Variants in LEKR1 observed in about 807,000 individuals in gnomAD.
LEKR1 encodes the protein leucine, glutamate and lysine rich 1.
In LEKR1, 59 loss-of-function variants were observed where a neutral mutation model predicts 72.4. That is an observed-to-expected ratio of 0.82 (90% CI 0.66 to 1.01). The LOEUF (loss-of-function observed/expected upper bound fraction) is 1.01, where lower values mean the gene tolerates loss of function less well. LEKR1 is among the 50% of genes least tolerant of loss of function. The probability of loss-of-function intolerance (pLI) is 0.00; values close to 1 mark genes in which losing one functional copy is unlikely to be tolerated. For missense variants in LEKR1, 728 were observed against 759.2 expected (o/e 0.96, Z 0.48); for synonymous variants, 257 against 263.2 (o/e 0.98, Z 0.23).
At chr3:156,977,434 A>AC (rs933236224) in intron 6 of LEKR1, 15 of 501,088 alleles carry the variant, frequency 3.0e-5, no homozygotes, top group Non-Finnish European at 4.8e-5. Flanking sequence ...AAGAAATGTC[A>AC]CCCCCCCTTA....
intron 3 of LEKR1, among the ~76,000 whole-genome samples, chr3:156,904,917 T>G (rs1255466109): frequency 6.6e-6 from 1 of 151,984 alleles, no homozygotes; most frequent in African/African-American, 2.4e-5. Flanking sequence ...ATCTATTATT[T>G]TAATAGACTA....
intron 3 of LEKR1, among the ~76,000 whole-genome samples, chr3:156,909,441 G>A (rs1486439210): frequency 6.6e-6 from 1 of 152,078 alleles, no homozygotes; most frequent in Non-Finnish European, 1.5e-5. Context: ...CACGAGGTCA[G>A]GAGATGGAGA....
chr3:156,889,654 T>A (rs1018703765), intron 3 of LEKR1, among the ~76,000 whole-genome samples: 2 of 152,244 alleles, frequency 1.3e-5, no homozygotes, highest in Non-Finnish European at 2.9e-5. Flanking sequence ...TTTGGGAATA[T>A]GTGTAAAGTT....
chr3:156,974,688 C>T (rs1576929272), intron 6 of LEKR1, among the ~76,000 whole-genome samples: 1 of 152,006 alleles, frequency 6.6e-6, no homozygotes, highest in African/African-American at 2.4e-5. Flanking sequence ...ATGCTATCAT[C>T]CTTGACCCGT....
chr3:156,831,109 G>A (rs565489049), intron 2 of LEKR1, among the ~76,000 whole-genome samples: 78 of 152,238 alleles, frequency 5.1e-4, no homozygotes, highest in Non-Finnish European at 9.7e-4. Flanking sequence ...TTTGGCAGGC[G>A]GTGGGGCTAG....
chr3:156,850,231 A>G (rs1715185513), intron 2 of LEKR1, among the ~76,000 whole-genome samples: 1 of 151,476 alleles, frequency 6.6e-6, no homozygotes, highest in Non-Finnish European at 1.5e-5. Flanking sequence ...TGAGTCTAAG[A>G]TAATATAAGA....
chr3:156,856,044 G>T (rs1379415025), intron 3 of LEKR1, among the ~76,000 whole-genome samples: 1 of 152,040 alleles, frequency 6.6e-6, no homozygotes, highest in African/African-American at 2.4e-5. Flanking sequence ...GTTATCAGAA[G>T]AAGAGGGAAT....
intron 3 of LEKR1, among the ~76,000 whole-genome samples, chr3:156,886,767 T>A (rs1417589921): frequency 6.6e-6 from 1 of 152,250 alleles, no homozygotes; most frequent in South Asian, 2.1e-4. Flanking sequence ...CCTTCACACT[T>A]TGGCAACTCA....
chr3:156,984,541 G>C (rs867834162), intron 7 of LEKR1, among the ~76,000 whole-genome samples: 1 of 152,080 alleles, frequency 6.6e-6, no homozygotes, highest in Non-Finnish European at 1.5e-5. Context: ...GCCAGGCATG[G>C]TGGCAGGTGC....
chr3:156,882,849 G>A (rs13060355), intron 3 of LEKR1, among the ~76,000 whole-genome samples: 3 of 151,104 alleles, frequency 2.0e-5, no homozygotes, highest in Admixed American at 1.3e-4. Context: ...CATGTCCTTT[G>A]TAGGGACATG....
At chr3:156,973,324 A>G (rs2107994169) in intron 6 of LEKR1, among the ~76,000 whole-genome samples, 1 of 152,234 alleles carries the variant, frequency 6.6e-6, no homozygotes, top group African/African-American at 2.4e-5. Context: ...AGTACCTGGT[A>G]CATAGTAAGT....
At chr3:156,952,171 C>T (rs1207972643) in intron 6 of LEKR1, among the ~76,000 whole-genome samples, 2 of 151,382 alleles carry the variant, frequency 1.3e-5, no homozygotes, top group Admixed American at 6.6e-5. Flanking sequence ...TGAAATTCTT[C>T]TCATATATCC....
chr3:156,959,725 A>G (rs1193779456), intron 6 of LEKR1, among the ~76,000 whole-genome samples: 1 of 152,130 alleles, frequency 6.6e-6, no homozygotes, highest in African/African-American at 2.4e-5. Context: ...CAATGAGTTA[A>G]CATTTTATCC....
rs532274339 is a variant in LEKR1 at position 156,930,092 on chromosome 3, G to A, written c.559+2488G>A. Among the ~76,000 whole-genome samples the A allele has an allele frequency of 3.9e-5, 6 of 152,232 alleles. No individual in the cohort carries two copies. In the South Asian group the frequency reaches 1.0e-3, roughly 26 times the overall value. On this transcript the variant is annotated intron_variant, in intron 5 of 12. Coordinates refer to ENST00000356539, the MANE Select transcript of LEKR1 (RefSeq NM_001004316.3). ...TTCCAGTTAAATTGGAGCACTGAAT[G>A]TTCAGATGCATACCAAATTATGCAT...
chr3:156,864,923 A>G (rs1483259304), intron 3 of LEKR1, among the ~76,000 whole-genome samples: 3 of 151,842 alleles, frequency 2.0e-5, no homozygotes, highest in Non-Finnish European at 4.4e-5. Flanking sequence ...TTTTTATTCT[A>G]CATTCTCTCT....
At chr3:156,929,943 G>A (rs1406975791) in intron 5 of LEKR1, among the ~76,000 whole-genome samples, 1 of 152,056 alleles carries the variant, frequency 6.6e-6, no homozygotes, top group African/African-American at 2.4e-5. Context: ...TTTTGACATT[G>A]GATAAAATCT....
At chr3:156,877,169 TGATC>T (rs1284592941) in intron 3 of LEKR1, among the ~76,000 whole-genome samples, 2 of 152,234 alleles carry the variant, frequency 1.3e-5, no homozygotes, top group Non-Finnish European at 2.9e-5. Context: ...GAAACCTAAT[TGATC>T]ATGGTGTATT....
At chr3:156,863,005 GTCGACC>G (rs1378540209) in intron 3 of LEKR1, among the ~76,000 whole-genome samples, 1 of 152,092 alleles carries the variant, frequency 6.6e-6, no homozygotes, top group African/African-American at 2.4e-5. Flanking sequence ...ATTTGAATAT[GTCGACC>G]TCAAGGGTCA....
At chr3:156,842,872 A>G (rs1479340493) in intron 2 of LEKR1, among the ~76,000 whole-genome samples, 1 of 152,204 alleles carries the variant, frequency 6.6e-6, no homozygotes, top group Non-Finnish European at 1.5e-5. Flanking sequence ...AGCATAGTAT[A>G]CTTGTCAGAC....
Sources: gnomAD v4.1 joint callset for allele counts (sites outside exome capture counted in the v4.1 genomes callset) on GRCh38, gnomAD v4.1.1 for gene constraint, MANE v1.5 for transcripts, NCBI Gene and HGNC (gene_info 2026-07-23, HGNC 2026-07-21) for gene names.